RHOH: variants seen among roughly 807,000 people sequenced by gnomAD.
The protein encoded by RHOH is rho-related GTP-binding protein RhoH.
Under a neutral mutation model 13.8 loss-of-function variants are expected in RHOH, and 6 were observed. The observed-to-expected ratio is 0.44, with a 90% CI of 0.24 to 0.86. The LOEUF (loss-of-function observed/expected upper bound fraction) is 0.86, where lower values mean the gene tolerates loss of function less well. Among genes scored for constraint, RHOH ranks in the 40% least tolerant of loss-of-function variants. The probability of loss-of-function intolerance (pLI) is 0.24; values close to 1 mark genes in which losing one functional copy is unlikely to be tolerated. For missense variants in RHOH, 147 were observed against 244.5 expected, an observed-to-expected ratio of 0.60 and a Z score of 2.66; for synonymous variants, 117 against 103.0, an observed-to-expected ratio of 1.14 and a Z score of -0.82.
upstream of RHOH, among the ~76,000 whole-genome samples, chr4:40,192,699 TG>T (rs1347599047): frequency 2.6e-5 from 4 of 152,220 alleles, no homozygotes; most frequent in Non-Finnish European, 5.9e-5. Flanking sequence ...AGTAAGTCTT[TG>T]CTTTTTCACC....
chr4:40,196,409 G>A (rs1723137315), upstream of RHOH, among the ~76,000 whole-genome samples: 1 of 152,154 alleles, frequency 6.6e-6, no homozygotes, highest in African/African-American at 2.4e-5. Context: ...AAGTAAACTT[G>A]TGTTTTTAGG....
chr4:40,196,751 G>A (rs1288005149), upstream of RHOH, among the ~76,000 whole-genome samples: 1 of 137,098 alleles, frequency 7.3e-6, no homozygotes, highest in Non-Finnish European at 1.5e-5. Context: ...GGACTCTTCA[G>A]TCTTCCTTTC....
intron 1 of RHOH, among the ~76,000 whole-genome samples, chr4:40,207,599 T>C (rs1351921762): frequency 1.3e-5 from 2 of 152,164 alleles, no homozygotes; most frequent in Non-Finnish European, 2.9e-5. Flanking sequence ...GAAAGACCCA[T>C]CACACACATA....
upstream of RHOH, chr4:40,191,317 G>A (rs1722700988): frequency 6.6e-6 from 1 of 152,122 alleles, no homozygotes; most frequent in Non-Finnish European, 1.5e-5. Context: ...ACAGCCATTC[G>A]GAGCTACATC....
In RHOH at chr4:40,203,154, A is replaced by G. The variant is rs182001256; in HGVS notation, c.-331+5854A>G. Among the ~76,000 whole-genome samples, 158 of 152,142 alleles carry G rather than the reference A, an allele frequency of 1.0e-3. 1 individual carries two copies. The highest frequency in any genetic ancestry group is 1.1e-3 in the Non-Finnish European group (73 of 67,992). ...GCCCCGCTAATTATTTTGTATTTTT[A>G]GTTGAGACGGAGTTTCACCGTGTTA... On this transcript the variant is annotated intron_variant, in intron 1 of 2. Coordinates refer to ENST00000381799, the MANE Select transcript of RHOH (RefSeq NM_004310.5).
intron 1 of RHOH, among the ~76,000 whole-genome samples, chr4:40,198,345 GGAGAA>G (rs1282287487): frequency 1.3e-5 from 2 of 152,226 alleles, no homozygotes; most frequent in African/African-American, 4.8e-5. Flanking sequence ...AAGAGACACT[GGAGAA>G]GAGAAGACAG....
intron 1 of RHOH, among the ~76,000 whole-genome samples, chr4:40,236,342 T>C (rs1011188200): frequency 3.3e-5 from 5 of 152,190 alleles, no homozygotes; most frequent in Non-Finnish European, 7.4e-5. Flanking sequence ...TTAAAGGACA[T>C]GAATAAAACA....
At chr4:40,203,712 G>A (rs999814822) in intron 1 of RHOH, among the ~76,000 whole-genome samples, 1 of 152,096 alleles carries the variant, frequency 6.6e-6, no homozygotes, top group African/African-American at 2.4e-5. Flanking sequence ...CTGTACTTAC[G>A]ATATTCCTTA....
upstream of RHOH, among the ~76,000 whole-genome samples, chr4:40,194,628 G>A (rs1722937237): frequency 1.3e-5 from 2 of 152,100 alleles, no homozygotes; most frequent in African/African-American, 2.4e-5. Flanking sequence ...CGCCTGCCTC[G>A]GCCTCCCAAA....
At chr4:40,208,382 A>G (rs181293308) in intron 1 of RHOH, among the ~76,000 whole-genome samples, 39 of 152,334 alleles carry the variant, frequency 2.6e-4, no homozygotes, top group African/African-American at 8.9e-4. Flanking sequence ...ACCAATGTAA[A>G]ATGCAGAATA....
intron 1 of RHOH, among the ~76,000 whole-genome samples, chr4:40,216,499 A>G (rs1023839002): frequency 1.3e-5 from 2 of 152,246 alleles, no homozygotes; most frequent in East Asian, 3.9e-4. Context: ...AAATAAAAAC[A>G]TAAGGACTTT....
intron 1 of RHOH, among the ~76,000 whole-genome samples, chr4:40,211,375 T>C (rs2381500): frequency 0.73 from 110,959 of 152,036 alleles, 40,784 homozygotes; most frequent in African/African-American, 0.81. Context: ...AAGAGATTCT[T>C]GTGCCTCAGC....
At chr4:40,232,351 A>G (rs1483171306) in intron 1 of RHOH, among the ~76,000 whole-genome samples, 2 of 151,592 alleles carry the variant, frequency 1.3e-5, no homozygotes, top group Non-Finnish European at 2.9e-5. Flanking sequence ...CAGCCTCCCA[A>G]CTAGCTGGGA....
At position 40,213,723 on chromosome 4, in the gene RHOH, C is replaced by T. The variant is rs554421894; in HGVS notation, c.-331+16423C>T. The stretch of plus-strand genomic sequence containing the variant: ...CCTAGACCGCTGCTCCTGAGCCTCT[C>T]CATTGTAATTTTCCTTCTTCTAGTT... On this transcript the variant is annotated intron_variant, in intron 1 of 2. Transcript: ENST00000381799. Among the ~76,000 whole-genome samples the T allele has an allele frequency of 2.6e-5, 4 of 152,032 alleles. No individual in the cohort carries two copies. The East Asian group carries it at 7.7e-4, about 29-fold the overall frequency.
intron 1 of RHOH, among the ~76,000 whole-genome samples, chr4:40,197,823 A>C (rs1723401241): frequency 6.6e-6 from 1 of 152,208 alleles, no homozygotes; most frequent in African/African-American, 2.4e-5. Flanking sequence ...GTATTTTTTA[A>C]TTAAATTTAA....
intron 1 of RHOH, among the ~76,000 whole-genome samples, chr4:40,238,339 G>A (rs1179037310): frequency 6.6e-6 from 1 of 152,232 alleles, no homozygotes; most frequent in Admixed American, 6.5e-5. Context: ...CGAGCCTGTG[G>A]AGGGCGTCAG....
chr4:40,218,007 A>G lies in RHOH; in HGVS notation c.-331+20707A>G, dbSNP rs1291807141. The stretch of plus-strand genomic sequence containing the variant: ...AGAGCATATACCAGTTGCTCTCCTG[A>G]TGGACATCTGGTCCATGATATTTGA... On this transcript the variant is annotated intron_variant, in intron 1 of 2. Coordinates refer to ENST00000381799, the MANE Select transcript of RHOH (RefSeq NM_004310.5). This position sits in a 1 kb window ranked among gnomAD's most constrained non-coding sequence, Gnocchi z 4.1. 6.6e-6 allele frequency: 1 copy of G among 152,156 alleles called. No individual in the cohort carries two copies. The highest frequency in any genetic ancestry group is 2.4e-5 in the African/African-American group (1 of 41,430). 9.4% of individuals were successfully genotyped at this position (152,156 alleles called of 1,614,324 possible). A position where few individuals can be genotyped will look rare whatever the true frequency, so the allele number is the denominator to read the frequency against.
chr4:40,243,915 C>T lies in RHOH; in HGVS notation c.529C>T (p.Arg177Ter), dbSNP rs557142554. The T allele has an allele frequency of 3.1e-6, 5 of 1,613,998 alleles. No homozygotes were observed. Among genetic ancestry groups the T allele is most frequent in the African/African-American group, 1.3e-5 (1 of 75,024 alleles). The change falls in exon 3 of 3, where the codon CGA becomes TGA. Residue 177 changes from arginine to a stop codon, truncating the protein, a stop_gained. Transcript: ENST00000381799. LOFTEE classifies it high-confidence loss of function. This position sits in a 1 kb window ranked among gnomAD's most constrained non-coding sequence, Gnocchi z 6.2. ...VRTAVNQARRRNRRRLFSINE... is the reference protein window; with the variant it reads ...VRTAVNQARR ...AACTGCCGTCAACCAGGCCAGGAGA[C>T]GAAACAGAAGGAGGCTCTTCTCCAT... is the stretch of plus-strand genomic sequence containing the variant.
At chr4:40,212,636 A>G (rs1725398852) in intron 1 of RHOH, 1 of 152,234 alleles carries the variant, frequency 6.6e-6, no homozygotes, top group South Asian at 2.1e-4. Context: ...AAACATGCTA[A>G]TGGTAAAAAA....
Sources: gnomAD v4.1 joint callset for allele counts (sites outside exome capture counted in the v4.1 genomes callset) on GRCh38, gnomAD v4.1.1 for gene constraint, Gnocchi (gnomAD v3.1) non-coding constraint, MANE v1.5 for transcripts, NCBI Gene and HGNC (gene_info 2026-07-23, HGNC 2026-07-21) for gene names.